The following KDM2A variants were observed in gnomAD, a reference collection of about 807,000 sequenced individuals.
KDM2A encodes lysine-specific demethylase 2A.
KDM2A carries 3 observed loss-of-function variants against 137.3 expected under a neutral mutation model. The ratio of observed to expected loss-of-function variants is 0.02; its 90% CI spans 0.01 to 0.06. KDM2A has a LOEUF of 0.06. KDM2A is among the 10% of genes least tolerant of loss of function. KDM2A has a pLI of 1.00. For missense variants in KDM2A, 738 were observed against 1,510.6 expected (o/e 0.49, Z 8.48); for synonymous variants, 512 against 541.5 (o/e 0.95, Z 0.76).
intron 2 of KDM2A, among the ~76,000 whole-genome samples, chr11:67,139,286 C>T (rs1486124701): frequency 3.3e-5 from 5 of 151,904 alleles, no homozygotes; most frequent in African/African-American, 1.2e-4. Flanking sequence ...GCTTTGTCCC[C>T]CAGGCTGGAG....
At chr11:67,155,735 G>A (rs1398519617) in intron 2 of KDM2A, among the ~76,000 whole-genome samples, 1 of 151,558 alleles carries the variant, frequency 6.6e-6, no homozygotes, top group Non-Finnish European at 1.5e-5. Flanking sequence ...TCCTGCCTCA[G>A]CCTCCTAAGT....
chr11:67,212,781 G>A (rs1383029159), intron 6 of KDM2A, among the ~76,000 whole-genome samples: 6 of 148,702 alleles, frequency 4.0e-5, no homozygotes, highest in African/African-American at 1.5e-4. Context: ...TGAATGCGTG[G>A]TAAAAAAAAA....
intron 3 of KDM2A, among the ~76,000 whole-genome samples, 185 bp from the exon 4 acceptor site, chr11:67,181,135 A>G (rs558767116): frequency 1.4e-4 from 21 of 152,066 alleles, no homozygotes; most frequent in Non-Finnish European, 2.9e-4. Context: ...GTTGCTTCTC[A>G]ATGTGCTCTC....
intron 5 of KDM2A, among the ~76,000 whole-genome samples, chr11:67,199,657 A>G (rs1398556584): frequency 2.0e-5 from 3 of 152,230 alleles, no homozygotes; most frequent in African/African-American, 7.2e-5. Context: ...TAAAGCCAGG[A>G]GAGGTTGGTT....
chr11:67,246,932 G>A (rs934355059), intron 15 of KDM2A, among the ~76,000 whole-genome samples: 1 of 150,356 alleles, frequency 6.7e-6, no homozygotes, highest in African/African-American at 2.4e-5. Context: ...ATGAAGAACC[G>A]GGTTTTTGTT....
In KDM2A at chr11:67,255,150, G is replaced by A; in HGVS notation, c.*95G>A. The A allele has an allele frequency of 3.7e-6, 4 of 1,083,904 alleles. No homozygotes were observed. The highest frequency in any genetic ancestry group is 5.3e-6 in the Non-Finnish European group (4 of 750,510). The allele number at this position is 1,083,904 out of a possible 1,614,324, so 67.1% of individuals were successfully genotyped here. A position where few individuals can be genotyped will look rare whatever the true frequency, so the allele number is the denominator to read the frequency against. On this transcript the variant is annotated 3_prime_UTR_variant, in exon 21 of 21. Coordinates refer to ENST00000529006, the MANE Select transcript of KDM2A (RefSeq NM_012308.3). ...CGACCCTGCACGGGCTCTGAGGCCA[G>A]CGTCACACTCCCTCTCTGCTCTCCT... is the stretch of plus-strand genomic sequence containing the variant.
chr11:67,190,619 G>A (rs1452029648), intron 5 of KDM2A, among the ~76,000 whole-genome samples: 1 of 151,850 alleles, frequency 6.6e-6, no homozygotes, highest in Non-Finnish European at 1.5e-5. Flanking sequence ...AACTGAGCTG[G>A]ACATGGTTGC....
chr11:67,182,184 T>C (rs1370995486), intron 5 of KDM2A, among the ~76,000 whole-genome samples: 7 of 152,042 alleles, frequency 4.6e-5, no homozygotes, highest in South Asian at 2.1e-4. Context: ...AAAACTTACA[T>C]CTCTTAGCCA....
At position 67,129,733 on chromosome 11, in the gene KDM2A, C is replaced by CA. The variant is rs200961023; in HGVS notation, c.42+8392dup. On this transcript the variant is annotated intron_variant, in intron 2 of 20. Coordinates refer to ENST00000529006, the MANE Select transcript of KDM2A (RefSeq NM_012308.3). ...TGGGTGACAGAGCGAGACTCCATCTCAAAAAAAAAAAAAAAAAGAAAAAGA... is the reference window on the plus strand; with the variant it reads ...TGGGTGACAGAGCGAGACTCCATCTCAAAAAAAAAAAAAAAAAAGAAAAAGA... Among the ~76,000 whole-genome samples, 285 of 56,220 alleles carry CA rather than the reference C, an allele frequency of 5.1e-3. 2 individuals carry two copies. Among genetic ancestry groups the CA allele is most frequent in the East Asian group, 0.014 (27 of 1,866 alleles). The allele number at this position is 56,220 out of a possible 152,430, so 36.9% of individuals were successfully genotyped here. A position where few individuals can be genotyped will look rare whatever the true frequency, so the allele number is the denominator to read the frequency against.
chr11:67,172,490 C>T (rs1407119797), intron 2 of KDM2A, among the ~76,000 whole-genome samples: 1 of 151,846 alleles, frequency 6.6e-6, no homozygotes, highest in African/African-American at 2.4e-5. Context: ...AAGTCTTGTA[C>T]TTATCTTGTT....
At chr11:67,120,540 C>T (rs1017289575) in intron 1 of KDM2A, among the ~76,000 whole-genome samples, 3 of 152,136 alleles carry the variant, frequency 2.0e-5, no homozygotes, top group Non-Finnish European at 2.9e-5. Context: ...TTCCTTGTAT[C>T]CTTAGATGCA....
intron 5 of KDM2A, among the ~76,000 whole-genome samples, chr11:67,191,868 A>T (rs1164363492): frequency 6.6e-6 from 1 of 152,234 alleles, no homozygotes; most frequent in Non-Finnish European, 1.5e-5. Flanking sequence ...GAAAAGGCAT[A>T]CAAATTGTAA....
chr11:67,123,648 G>A (rs891793982), intron 2 of KDM2A, among the ~76,000 whole-genome samples: 3 of 151,714 alleles, frequency 2.0e-5, no homozygotes, highest in Non-Finnish European at 4.4e-5. Flanking sequence ...GACTTTAAAG[G>A]AAGAGCCTTT....
At position 67,181,325 on chromosome 11, in the gene KDM2A, A is replaced by G; in HGVS notation, c.187A>G (p.Asn63Asp). 6.2e-7 allele frequency: 1 copy of G among 1,603,470 alleles called. No individual in the cohort carries two copies. Among genetic ancestry groups the G allele is most frequent in the South Asian group, 1.1e-5 (1 of 90,270 alleles). The change falls in exon 4 of 21, where the codon AAT (asparagine) becomes GAT (aspartate). Residue 63 changes from asparagine (N) to aspartate (D), a missense_variant. Physicochemically the swap from Asn to Asp is conservative, Grantham distance 23 (BLOSUM62 1). This residue lies in a region of KDM2A where 74 missense variants were observed against 181.8 expected (regional missense o/e 0.41). Transcript: ENST00000529006. ...ATATTTTCCTATGGTGACAGATTTT[A>G]ATGTAGAGTATATTCAGCGGGGTGG... ...FVTFMEGKDF[N>D]VEYIQRGGLR...
In KDM2A at chr11:67,252,946, A is replaced by C. The variant is rs1225238294; in HGVS notation, c.2932+89A>C. 2.9e-6 allele frequency: 4 copies of C among 1,385,396 alleles called. No homozygotes were observed. In the East Asian group the frequency reaches 9.5e-5, roughly 33 times the overall value. 85.8% of individuals were successfully genotyped at this position (1,385,396 alleles called of 1,614,324 possible). A position where few individuals can be genotyped will look rare whatever the true frequency, so the allele number is the denominator to read the frequency against. On this transcript the variant is annotated intron_variant, in intron 18 of 20. Transcript: ENST00000529006. ...ATTATTGGCAGTGCTTCTTAGCATC[A>C]CTGGAGGGCAGTGTAGGGCAGCAGT...
chr11:67,241,958 A>C (rs1202194164), intron 12 of KDM2A, among the ~76,000 whole-genome samples: 7 of 152,142 alleles, frequency 4.6e-5, no homozygotes, highest in Admixed American at 4.6e-4. Flanking sequence ...AATCCCAGCT[A>C]CTCAGGAGGC....
chr11:67,161,058 A>C, intron 2 of KDM2A, among the ~76,000 whole-genome samples: 1 of 152,146 alleles, frequency 6.6e-6, no homozygotes, highest in East Asian at 1.9e-4. Context: ...GCCTGAGTTA[A>C]CTGTGGACAA....
chr11:67,225,426 A>G lies in KDM2A; in HGVS notation c.958-2611A>G, dbSNP rs570952868. 2.6e-4 allele frequency among the ~76,000 whole-genome samples: 39 copies of G among 151,914 alleles called. No individual in the cohort carries two copies. In the South Asian group the frequency reaches 7.5e-3, roughly 29 times the overall value. On this transcript the variant is annotated intron_variant, in intron 10 of 20. Coordinates refer to ENST00000529006, the MANE Select transcript of KDM2A (RefSeq NM_012308.3). ...TGAGGCGGGCGAATCACTGGAGTTC[A>G]GGAGTTCGAGACCAACCTGGCCAAC...
Position 67,201,203 on chromosome 11 carries a change from AAT to A in KDM2A, c.308-6292_308-6291del, listed in dbSNP as rs1555090516. ...AGCAAGACTCTGTCTCAAAAAAAAA[AAT>A]ATATATATATATATGTGTGTGTGTG... On this transcript the variant is annotated intron_variant, in intron 5 of 20. Coordinates refer to ENST00000529006, the MANE Select transcript of KDM2A (RefSeq NM_012308.3). Among the ~76,000 whole-genome samples, 6 of 89,478 alleles carry A rather than the reference AAT, an allele frequency of 6.7e-5. No homozygotes were observed. The East Asian group carries it at 1.5e-3, about 22-fold the overall frequency. The allele number at this position is 89,478 out of a possible 152,430, so 58.7% of individuals were successfully genotyped here. A position where few individuals can be genotyped will look rare whatever the true frequency, so the allele number is the denominator to read the frequency against.
Sources: gnomAD v4.1 joint callset for allele counts (sites outside exome capture counted in the v4.1 genomes callset) on GRCh38, gnomAD v4.1.1 for gene constraint, gnomAD v4.1.1 regional missense constraint, MANE v1.5 for transcripts, NCBI Gene and HGNC (gene_info 2026-07-23, HGNC 2026-07-21) for gene names.